The following PHACTR2 variants were observed in gnomAD, a reference collection of about 807,000 sequenced individuals.
The protein encoded by PHACTR2 is phosphatase and actin regulator 2, also known as chromosome 6 open reading frame 56.
PHACTR2 carries 30 observed loss-of-function variants against 76.0 expected under a neutral mutation model. That is an observed-to-expected ratio of 0.39 (90% CI 0.30 to 0.54). The LOEUF is 0.54. Ranked by LOEUF, PHACTR2 falls within the 20% of genes least tolerant of loss-of-function variation. PHACTR2 has a pLI of 0.61. For missense variants in PHACTR2, 696 were observed against 781.1 expected (o/e 0.89, Z 1.30); for synonymous variants, 292 against 292.5 (o/e 1.00, Z 0.02).
intron 1 of PHACTR2, among the ~76,000 whole-genome samples, chr6:143,705,168 G>C (rs1272741477): frequency 6.6e-6 from 1 of 151,984 alleles, no homozygotes; most frequent in African/African-American, 2.4e-5. Flanking sequence ...GCCCAGGCTG[G>C]AGTAAAGTGG....
At position 143,783,791 on chromosome 6, in the gene PHACTR2, A is replaced by G. The variant is rs1413018081; in HGVS notation, c.1707+511A>G. ...AATTTTTAAAGACACAAAAAAAGAA[A>G]AAAATAAAATCATGTCTTTCATTCA... On this transcript the variant is annotated intron_variant, in intron 10 of 12. Transcript: ENST00000440869. This position sits in a 1 kb window ranked among gnomAD's most constrained non-coding sequence, Gnocchi z 5.2. Among the ~76,000 whole-genome samples, 1 of 152,226 alleles carries G rather than the reference A, an allele frequency of 6.6e-6. No individual in the cohort carries two copies. Among genetic ancestry groups the G allele is most frequent in the Non-Finnish European group, 1.5e-5 (1 of 68,040 alleles).
chr6:143,563,993 G>T (rs1775321629), intron 1 of PHACTR2, among the ~76,000 whole-genome samples: 1 of 151,822 alleles, frequency 6.6e-6, no homozygotes, highest in Admixed American at 6.6e-5. Flanking sequence ...GACAGAGTGA[G>T]ATCCTGTCTC....
chr6:143,763,607 A>G (rs909709172), intron 5 of PHACTR2, among the ~76,000 whole-genome samples: 6 of 152,204 alleles, frequency 3.9e-5, no homozygotes, highest in African/African-American at 1.4e-4. Flanking sequence ...GAAGAATTCT[A>G]GTTATGTATA....
At chr6:143,771,889 G>A (rs931737983) in intron 6 of PHACTR2, among the ~76,000 whole-genome samples, 7 of 152,146 alleles carry the variant, frequency 4.6e-5, no homozygotes, top group Admixed American at 1.3e-4. Context: ...GCACTCTAGC[G>A]GGATCGTCTT....
rs1775766214 is a variant in PHACTR2 at position 143,597,355 on chromosome 6, G to A, written c.217+60148G>A. Among the ~76,000 whole-genome samples, 1 of 152,182 alleles carries A rather than the reference G, an allele frequency of 6.6e-6. No individual in the cohort carries two copies. The highest frequency in any genetic ancestry group is 1.5e-5 in the Non-Finnish European group (1 of 68,042). ...ACGGAAACATAATACTGGCTTCCAG[G>A]TGAGTAGTAAAGACCTCATGCATTT... On this transcript the variant is annotated intron_variant, in intron 1 of 11. Transcript: ENST00000367584. This position sits in a 1 kb window ranked among gnomAD's most constrained non-coding sequence, Gnocchi z 5.7.
intron 2 of PHACTR2, among the ~76,000 whole-genome samples, chr6:143,721,637 A>ATGTGTG (rs5880570): frequency 1.3e-5 from 2 of 150,622 alleles, no homozygotes; most frequent in Non-Finnish European, 3.0e-5. Context: ...CTATCTTCTG[A>ATGTGTG]TGTGTGTGTG....
At chr6:143,712,507 A>C (rs187900541) in intron 2 of PHACTR2, among the ~76,000 whole-genome samples, 2 of 148,020 alleles carry the variant, frequency 1.4e-5, no homozygotes, top group Admixed American at 1.4e-4. Context: ...TTGTGATGAC[A>C]GGTATCCATT....
Position 143,760,439 on chromosome 6 carries a change from G to A in PHACTR2, c.493G>A (p.Ala165Thr). The A allele has an allele frequency of 6.2e-7, 1 of 1,613,398 alleles. No individual in the cohort carries two copies. Among genetic ancestry groups the A allele is most frequent in the South Asian group, 1.1e-5 (1 of 91,026 alleles). The change falls in exon 5 of 13, where the codon GCT becomes ACT. Residue 165 changes from alanine (A) to threonine (T), a missense_variant. By Grantham distance (58) the Ala-to-Thr change is moderately conservative. This residue lies in a region of PHACTR2 where 460 missense variants were observed against 450.9 expected (regional missense o/e 1.02). Coordinates refer to ENST00000440869, the MANE Select transcript of PHACTR2 (RefSeq NM_001100164.2). This position sits in a 1 kb window ranked among gnomAD's most constrained non-coding sequence, Gnocchi z 6.4. ...ENHSETPAAP[A>T]LPPSAPPKPR... ...CCACTCTGAAACACCGGCAGCTCCT[G>A]CTCTACCTCCTTCTGCTCCTCCTAA...
At position 143,695,255 on chromosome 6, in the gene PHACTR2, C is replaced by T. The variant is rs1777746083; in HGVS notation, c.47-16761C>T. Among the ~76,000 whole-genome samples, 1 of 152,150 alleles carries T rather than the reference C, an allele frequency of 6.6e-6. No homozygotes were observed. Among genetic ancestry groups the T allele is most frequent in the Non-Finnish European group, 1.5e-5 (1 of 68,030 alleles). ...GATTGGGCATGGGGATCAGGGCATGCAGAAGCTCTTAGCCAAACCTCTACA... is the reference window on the plus strand; with the variant it reads ...GATTGGGCATGGGGATCAGGGCATGTAGAAGCTCTTAGCCAAACCTCTACA... On this transcript the variant is annotated intron_variant, in intron 1 of 12. Transcript: ENST00000440869. This position sits in a 1 kb window ranked among gnomAD's most constrained non-coding sequence, Gnocchi z 4.4.
At chr6:143,714,627 A>G (rs1778261125) in intron 2 of PHACTR2, among the ~76,000 whole-genome samples, 1 of 152,184 alleles carries the variant, frequency 6.6e-6, no homozygotes, top group African/African-American at 2.4e-5. Context: ...AAAGTTTCCA[A>G]TATCTTCAAC....
chr6:143,698,480 T>C lies in PHACTR2; in HGVS notation c.47-13536T>C, dbSNP rs974029631. On this transcript the variant is annotated intron_variant, in intron 1 of 12. Coordinates refer to ENST00000440869, the MANE Select transcript of PHACTR2 (RefSeq NM_001100164.2). The surrounding 1 kb of genome is among the most constrained non-coding windows in gnomAD (Gnocchi z 4.3). ...GCTTTTAAATGGTTTCCTGTTTAAT[T>C]TGCATAGGATATTTCTACCTTTTAG... 3.9e-5 allele frequency among the ~76,000 whole-genome samples: 6 copies of C among 152,214 alleles called. No individual in the cohort carries two copies. The highest frequency in any genetic ancestry group is 6.5e-5 in the Admixed American group (1 of 15,276).
chr6:143,609,019 T>C (rs1477857342), intron 1 of PHACTR2, among the ~76,000 whole-genome samples: 2 of 152,218 alleles, frequency 1.3e-5, no homozygotes, highest in African/African-American at 4.8e-5. Flanking sequence ...TGTGAGATCA[T>C]GCCCCATTTC....
At position 143,583,046 on chromosome 6, in the gene PHACTR2, A is replaced by C. The variant is rs147037063; in HGVS notation, c.217+45839A>C. ...TACTTTAATTAGAAACATCATAATGAGTCTTTCTATTTTGGATATGAAGAC... is the reference window on the plus strand; with the variant it reads ...TACTTTAATTAGAAACATCATAATGCGTCTTTCTATTTTGGATATGAAGAC... On this transcript the variant is annotated intron_variant, in intron 1 of 11. Transcript: ENST00000367584. This position sits in a 1 kb window ranked among gnomAD's most constrained non-coding sequence, Gnocchi z 4.0. Among the ~76,000 whole-genome samples the C allele has an allele frequency of 1.3e-5, 2 of 152,380 alleles. No homozygotes were observed. Among genetic ancestry groups the C allele is most frequent in the African/African-American group, 4.8e-5 (2 of 41,590 alleles).
rs1776370411 is a variant in PHACTR2, at chr6:143,819,625, G to A, written c.1923-4049G>A. On this transcript the variant is annotated intron_variant, in intron 12 of 12. Transcript: ENST00000440869. The surrounding 1 kb of genome is among the most constrained non-coding windows in gnomAD (Gnocchi z 5.0). ...GTAAGTTCTGGAGTACAAAGGGTGG[G>A]GAGCCTGGAGTTGTTGTTCAAGGAC... is the stretch of plus-strand genomic sequence containing the variant. Among the ~76,000 whole-genome samples, 1 of 152,136 alleles carries A rather than the reference G, an allele frequency of 6.6e-6. No individual in the cohort carries two copies.
rs1298765449 is a variant in PHACTR2 at position 143,678,234 on chromosome 6, G to A, written c.46+25G>A. ...GGTGAGTCCGGGGCGCACGCGATGC[G>A]CTCCCGCCGCGCGGGCGCAGGGCTG... On this transcript the variant is annotated intron_variant, in intron 1 of 12. Transcript: ENST00000440869. This position sits in a 1 kb window ranked among gnomAD's most constrained non-coding sequence, Gnocchi z 6.2. 14 of 1,469,368 alleles carry A rather than the reference G, an allele frequency of 9.5e-6. No homozygotes were observed. Among genetic ancestry groups the A allele is most frequent in the Non-Finnish European group, 1.2e-5 (13 of 1,111,698 alleles). 91.0% of individuals were successfully genotyped at this position (1,469,368 alleles called of 1,614,324 possible).
rs1584055700 is a variant in PHACTR2, at chr6:143,556,320, T to C, written c.217+19113T>C. 6.6e-6 allele frequency among the ~76,000 whole-genome samples: 1 copy of C among 152,260 alleles called. No individual in the cohort carries two copies. Among genetic ancestry groups the C allele is most frequent in the South Asian group, 2.1e-4 (1 of 4,838 alleles). On this transcript the variant is annotated intron_variant, in intron 1 of 11. Coordinates refer to the PHACTR2 transcript ENST00000367584. The surrounding 1 kb of genome is among the most constrained non-coding windows in gnomAD (Gnocchi z 4.3). Reference sequence around the variant, plus strand: ...AGGTGTGGGGCATCTCCAATGCTCCTGCGTGCCAGGCACAAGGCGTGGGCC... The same window carrying C: ...AGGTGTGGGGCATCTCCAATGCTCCCGCGTGCCAGGCACAAGGCGTGGGCC...
At chr6:143,609,570 G>A (rs930945588) in intron 1 of PHACTR2, among the ~76,000 whole-genome samples, 4 of 152,028 alleles carry the variant, frequency 2.6e-5, no homozygotes, top group Non-Finnish European at 5.9e-5. Context: ...AAAGCAGGTA[G>A]GTATGGTATT....
At chr6:143,711,973 C>T in intron 1 of PHACTR2, 43 bp from the exon 2 acceptor site, 1 of 1,578,558 alleles carries the variant, frequency 6.3e-7, no homozygotes, top group Non-Finnish European at 8.7e-7. Context: ...TTTATTACAA[C>T]CTTTTTTACA....
Position 143,689,195 on chromosome 6 carries a change from A to C in PHACTR2, c.46+10986A>C, listed in dbSNP as rs1454292172. ...TGCCTACCCCTCTCCAGAATAACCCACCCAGGTCCCACCCACAGCTCTCTG... is the reference window on the plus strand; with the variant it reads ...TGCCTACCCCTCTCCAGAATAACCCCCCCAGGTCCCACCCACAGCTCTCTG... On this transcript the variant is annotated intron_variant, in intron 1 of 12. Coordinates refer to ENST00000440869, the MANE Select transcript of PHACTR2 (RefSeq NM_001100164.2). The surrounding 1 kb of genome is among the most constrained non-coding windows in gnomAD (Gnocchi z 4.4). 4.6e-5 allele frequency among the ~76,000 whole-genome samples: 7 copies of C among 151,470 alleles called. No individual in the cohort carries two copies. Among genetic ancestry groups the C allele is most frequent in the African/African-American group, 1.7e-4 (7 of 41,204 alleles).
Sources: allele counts gnomAD v4.1 joint callset (sites outside exome capture counted in the v4.1 genomes callset), GRCh38; gene constraint gnomAD v4.1.1; regional missense constraint gnomAD v4.1.1; non-coding constraint Gnocchi (gnomAD v3.1); transcripts MANE v1.5; gene names NCBI Gene and HGNC (gene_info 2026-07-23, HGNC 2026-07-21).